Variants in USP24 observed in about 807,000 individuals in gnomAD.
USP24 encodes ubiquitin specific peptidase 24.
USP24 carries 97 observed loss-of-function variants against 361.6 expected under a neutral mutation model. The observed-to-expected ratio is 0.27, with a 90% CI of 0.23 to 0.32. The LOEUF (loss-of-function observed/expected upper bound fraction) is 0.32, where lower values mean the gene tolerates loss of function less well. USP24 is among the 10% of genes least tolerant of loss of function. The pLI is 1.00. For synonymous variants in USP24, 1,098 were observed against 1,124.6 expected (o/e 0.98, Z 0.47); for missense variants, 2,353 against 3,165.6 (o/e 0.74, Z 6.16).
At chr1:55,174,542 T>C (rs968464244) in intron 3 of USP24, among the ~76,000 whole-genome samples, 2 of 152,248 alleles carry the variant, frequency 1.3e-5, no homozygotes, top group African/African-American at 4.8e-5. Flanking sequence ...TTTATTATAC[T>C]GCTCCTAACA....
chr1:55,144,984 C>T (rs1332944013), intron 20 of USP24, among the ~76,000 whole-genome samples: 1 of 152,066 alleles, frequency 6.6e-6, no homozygotes, highest in African/African-American at 2.4e-5. Context: ...CCACTTTATA[C>T]CCATTACGAT....
At chr1:55,129,375 T>C in intron 32 of USP24, 102 bp downstream of exon 32, 2 of 841,928 alleles carry the variant, frequency 2.4e-6, no homozygotes, top group Non-Finnish European at 3.8e-6. Context: ...CAATGAGTCA[T>C]ATGATACCTT....
At chr1:55,179,779 T>G (rs1643908690) in intron 1 of USP24, among the ~76,000 whole-genome samples, 1 of 152,060 alleles carries the variant, frequency 6.6e-6, no homozygotes, top group Admixed American at 6.6e-5. Flanking sequence ...ACCTCATACA[T>G]TTCTCTCCAA....
At position 55,121,298 on chromosome 1, in the gene USP24, T is replaced by C. The variant is rs1021557519; in HGVS notation, c.4347+138A>G. ...AGTCCAAATGGTTACTTTTCTTTCA[T>C]GGTCTGCAGCCCCTTCGTACACTCC... On this transcript the variant is annotated intron_variant, in intron 37 of 67. Coordinates refer to ENST00000294383, the MANE Select transcript of USP24 (RefSeq NM_015306.3). The C allele has an allele frequency of 9.1e-6, 6 of 657,250 alleles. No individual in the cohort carries two copies. The Admixed American group carries it at 1.1e-4, about 12-fold the overall frequency. 40.7% of individuals were successfully genotyped at this position (657,250 alleles called of 1,614,324 possible).
rs1644954248 is a variant in USP24, at chr1:55,215,018, G to A, written c.96C>T (p.Asn32=). The A allele has an allele frequency of 6.7e-7, 1 of 1,482,072 alleles. No homozygotes were observed. The highest frequency in any genetic ancestry group is 9.0e-7 in the Non-Finnish European group (1 of 1,116,150). The allele number at this position is 1,482,072 out of a possible 1,614,324, so 91.8% of individuals were successfully genotyped here. The change falls in exon 1 of 68, where the codon AAC becomes AAT. Residue 32 remains asparagine (N), a synonymous_variant. Coordinates refer to ENST00000294383, the MANE Select transcript of USP24 (RefSeq NM_015306.3). ...TIRKALRLAK[N]DINEAVALLT... is the part of the protein sequence containing the mutation. The stretch of plus-strand genomic sequence containing the variant: ...GCAGTGCCACGGCCTCGTTAATGTC[G>A]TTCTTGGCCAGGCGCAGGGCCTTGC...
intron 16 of USP24, among the ~76,000 whole-genome samples, chr1:55,150,603 T>C (rs1383086381): frequency 6.6e-6 from 1 of 152,168 alleles, no homozygotes; most frequent in Non-Finnish European, 1.5e-5. Flanking sequence ...TATTAAAAAG[T>C]ATCATGATGG....
rs751273005 is a variant in USP24, at chr1:55,132,641, C to T, written c.3441G>A (p.Lys1147=). 2.4e-5 allele frequency: 39 copies of T among 1,613,548 alleles called. No homozygotes were observed. Among genetic ancestry groups the T allele is most frequent in the African/African-American group, 1.3e-4 (10 of 74,892 alleles). The change falls in exon 31 of 68, where the codon AAG becomes AAA. Residue 1147 remains lysine (K), a synonymous_variant. Coordinates refer to ENST00000294383, the MANE Select transcript of USP24 (RefSeq NM_015306.3). The stretch of plus-strand genomic sequence containing the variant: ...AACTGGCACTTGGCTGGTGCTGTTG[C>T]TTTGATGACAGGGATGGAGATTTTG... The part of the protein sequence containing the change: ...QSSKSPSLSS[K]QQHQPSASSI...
chr1:55,078,405 A>G (rs1570347922), intron 61 of USP24, 133 bp downstream of exon 61: 1 of 451,970 alleles, frequency 2.2e-6, no homozygotes, highest in Admixed American at 4.2e-5. Flanking sequence ...AATAAAACTG[A>G]GCCTATACTA....
intron 4 of USP24, among the ~76,000 whole-genome samples, chr1:55,172,009 G>T (rs1011134310): frequency 2.0e-5 from 3 of 152,074 alleles, no homozygotes; most frequent in African/African-American, 7.3e-5. Context: ...AAGTCAGGAG[G>T]GGAAAATATG....
At chr1:55,198,896 C>G (rs1334776054) in intron 1 of USP24, among the ~76,000 whole-genome samples, 1 of 152,116 alleles carries the variant, frequency 6.6e-6, no homozygotes, top group Non-Finnish European at 1.5e-5. Context: ...TAAAATGATT[C>G]AATCATAAAA....
At chr1:55,111,025 CATT>C (rs1645933771) in intron 38 of USP24, among the ~76,000 whole-genome samples, 1 of 152,002 alleles carries the variant, frequency 6.6e-6, no homozygotes, top group Non-Finnish European at 1.5e-5. Flanking sequence ...CTGCCAAACT[CATT>C]AGGCCAGTCT....
intron 13 of USP24, 38 bp downstream of exon 13, chr1:55,154,633 G>A: frequency 6.3e-7 from 1 of 1,584,478 alleles, no homozygotes; most frequent in Non-Finnish European, 8.6e-7. Flanking sequence ...CTTATTTTAA[G>A]AAAATTTAAA....
intron 1 of USP24, among the ~76,000 whole-genome samples, chr1:55,182,756 C>A (rs942462686): frequency 6.6e-6 from 1 of 152,052 alleles, no homozygotes; most frequent in African/African-American, 2.4e-5. Flanking sequence ...ACTTTGTCAC[C>A]CAGGCTGGAG....
chr1:55,098,617 A>G, intron 45 of USP24, 59 bp from the exon 46 acceptor site: 1 of 1,231,204 alleles, frequency 8.1e-7, no homozygotes, highest in Admixed American at 1.9e-5. Flanking sequence ...GAGTATACAG[A>G]ATTTTATTAA....
intron 30 of USP24, 47 bp downstream of exon 30, chr1:55,134,023 C>T: frequency 6.8e-7 from 1 of 1,480,770 alleles, no homozygotes; most frequent in Non-Finnish European, 9.4e-7. Context: ...TTTTCACTCA[C>T]TGAATTGTGA....
chr1:55,211,886 T>C (rs943371677), intron 1 of USP24, among the ~76,000 whole-genome samples: 3 of 152,244 alleles, frequency 2.0e-5, no homozygotes, highest in African/African-American at 7.2e-5. Flanking sequence ...AATAGAAATG[T>C]ATATAATTTA....
intron 44 of USP24, 46 bp downstream of exon 44, chr1:55,100,793 C>G (rs769459370): frequency 2.0e-6 from 3 of 1,537,210 alleles, no homozygotes; most frequent in East Asian, 4.7e-5. Context: ...AGAATGTAGC[C>G]AAATATTTAA....
At chr1:55,096,646 C>T in intron 49 of USP24, 24 bp from the exon 50 acceptor site, 5 of 1,593,482 alleles carry the variant, frequency 3.1e-6, no homozygotes, top group Non-Finnish European at 4.3e-6. Context: ...ATCAGACAAA[C>T]ATTATAAGGT....
intron 1 of USP24, among the ~76,000 whole-genome samples, chr1:55,197,119 G>A (rs920617638): frequency 6.6e-6 from 1 of 152,154 alleles, no homozygotes; most frequent in Non-Finnish European, 1.5e-5. Flanking sequence ...CCCTAGTTTA[G>A]AATGCCGTTC....
Sources: gnomAD v4.1 joint callset for allele counts (sites outside exome capture counted in the v4.1 genomes callset) on GRCh38, gnomAD v4.1.1 for gene constraint, MANE v1.5 for transcripts, NCBI Gene and HGNC (gene_info 2026-07-23, HGNC 2026-07-21) for gene names.